DIS3L2: variants seen among roughly 807,000 people sequenced by gnomAD.
DIS3L2 encodes the protein DIS3-like exonuclease 2.
A neutral mutation model predicts 97.5 loss-of-function variants in DIS3L2; 34 were observed. The ratio of observed to expected loss-of-function variants is 0.35; its 90% CI spans 0.27 to 0.46. The LOEUF (loss-of-function observed/expected upper bound fraction) is 0.46. DIS3L2 is among the 20% of genes least tolerant of loss of function. The probability of loss-of-function intolerance (pLI) is 1.00; values close to 1 mark genes in which losing one functional copy is unlikely to be tolerated. For missense variants in DIS3L2, 1,038 were observed against 1,146.0 expected (o/e 0.91, Z 1.36); for synonymous variants, 435 against 445.2 (o/e 0.98, Z 0.29).
At chr2:232,317,968 A>C (rs764742262) in intron 14 of DIS3L2, among the ~76,000 whole-genome samples, 2 of 152,220 alleles carry the variant, frequency 1.3e-5, no homozygotes, top group Non-Finnish European at 2.9e-5. Flanking sequence ...TAGTCTGCCT[A>C]AGGTTACCCA....
chr2:232,255,130 A>G (rs1174431802), intron 12 of DIS3L2, among the ~76,000 whole-genome samples: 1 of 152,230 alleles, frequency 6.6e-6, no homozygotes, highest in Non-Finnish European at 1.5e-5. Flanking sequence ...GGCTGGGGGA[A>G]CAAAGTTCGG....
intron 6 of DIS3L2, among the ~76,000 whole-genome samples, chr2:232,095,934 T>C (rs1459251989): frequency 6.6e-6 from 1 of 152,110 alleles, no homozygotes; most frequent in African/African-American, 2.4e-5. Flanking sequence ...GTGTTGTAGC[T>C]CCATTGTATG....
chr2:232,299,995 G>A, intron 13 of DIS3L2, 45 bp from the exon 14 acceptor site: 1 of 1,569,266 alleles, frequency 6.4e-7, no homozygotes, highest in Non-Finnish European at 8.8e-7. Context: ...GGAATGAATA[G>A]AGCATGCTGC....
At chr2:232,318,341 G>A (rs1383755284) in intron 14 of DIS3L2, among the ~76,000 whole-genome samples, 1 of 152,260 alleles carries the variant, frequency 6.6e-6, no homozygotes, top group Non-Finnish European at 1.5e-5. Flanking sequence ...CCACACCCTC[G>A]TGGGTTGGAG....
chr2:232,218,763 C>T (rs1692416678), intron 10 of DIS3L2, among the ~76,000 whole-genome samples: 1 of 152,260 alleles, frequency 6.6e-6, no homozygotes, highest in Admixed American at 6.5e-5. Context: ...TCCCTCCTCA[C>T]TGTCTCCCGT....
intron 13 of DIS3L2, among the ~76,000 whole-genome samples, chr2:232,275,141 C>T (rs896072119): frequency 2.0e-5 from 3 of 152,192 alleles, no homozygotes; most frequent in African/African-American, 7.2e-5. Context: ...CCTCTAGAAG[C>T]CTGCTCCAAA....
chr2:232,340,028 G>A (rs534574118), downstream of DIS3L2, among the ~76,000 whole-genome samples: 2 of 152,194 alleles, frequency 1.3e-5, no homozygotes, highest in Non-Finnish European at 1.5e-5. Flanking sequence ...GCCTGGGCGC[G>A]TTTAGCTGTG....
intron 10 of DIS3L2, among the ~76,000 whole-genome samples, chr2:232,210,670 A>G (rs895821018): frequency 6.6e-6 from 1 of 152,268 alleles, no homozygotes; most frequent in Non-Finnish European, 1.5e-5. Context: ...TGAGTGCTAA[A>G]GAATGAATTC....
intron 14 of DIS3L2, chr2:232,307,684 G>A (rs772206124): frequency 6.6e-6 from 1 of 152,188 alleles, no homozygotes; most frequent in African/African-American, 2.4e-5. Flanking sequence ...CATCTTCTGA[G>A]TGCCCGCAGA....
At chr2:232,242,686 G>T (rs1386004154) in intron 11 of DIS3L2, among the ~76,000 whole-genome samples, 2 of 152,168 alleles carry the variant, frequency 1.3e-5, no homozygotes, top group Non-Finnish European at 2.9e-5. Context: ...TTGGGCAGTG[G>T]TGTATTTACC....
At chr2:232,225,792 A>T (rs1392475222) in intron 10 of DIS3L2, among the ~76,000 whole-genome samples, 2 of 152,258 alleles carry the variant, frequency 1.3e-5, no homozygotes, top group Non-Finnish European at 2.9e-5. Context: ...ATGTGTCTGC[A>T]GCCAATGAAT....
chr2:232,022,327 T>G (rs1170111212), intron 3 of DIS3L2, among the ~76,000 whole-genome samples: 1 of 152,160 alleles, frequency 6.6e-6, no homozygotes, highest in African/African-American at 2.4e-5. Context: ...CCTTGTGTGC[T>G]TTTGTATATA....
intron 1 of DIS3L2, among the ~76,000 whole-genome samples, chr2:232,002,452 T>A (rs529207471): frequency 6.6e-6 from 1 of 152,344 alleles, no homozygotes; most frequent in African/African-American, 2.4e-5. Context: ...TAGATTGCTT[T>A]GGGTAGTAAG....
At chr2:232,086,359 G>A (rs1024432322) in intron 5 of DIS3L2, among the ~76,000 whole-genome samples, 9 of 138,192 alleles carry the variant, frequency 6.5e-5, no homozygotes, top group African/African-American at 2.4e-4. Context: ...GTATATATAT[G>A]TGTATATGTA....
intron 8 of DIS3L2, among the ~76,000 whole-genome samples, chr2:232,163,008 T>C (rs1284834180): frequency 6.6e-6 from 1 of 152,222 alleles, no homozygotes; most frequent in Non-Finnish European, 1.5e-5. Context: ...ACTTTTGTGT[T>C]TAGATAAAAT....
chr2:232,061,998 T>A (rs1695722950), intron 5 of DIS3L2, among the ~76,000 whole-genome samples: 1 of 152,156 alleles, frequency 6.6e-6, no homozygotes, highest in Non-Finnish European at 1.5e-5. Flanking sequence ...AGAAAACAAC[T>A]TCTTTAGACA....
At chr2:232,001,557 C>CTTTTTTTTTTTTT (rs57766848) in intron 1 of DIS3L2, among the ~76,000 whole-genome samples, 178 of 61,912 alleles carry the variant, frequency 2.9e-3, no homozygotes, top group Middle Eastern at 0.037. Flanking sequence ...TGCCATTTGT[C>CTTTTTTTTTTTTT]TTTTTTTTTT....
intron 6 of DIS3L2, among the ~76,000 whole-genome samples, chr2:232,129,801 G>A (rs1367858382): frequency 6.6e-6 from 1 of 152,222 alleles, no homozygotes; most frequent in Non-Finnish European, 1.5e-5. Flanking sequence ...AGGCTCCCAC[G>A]TAAATTGGTT....
chr2:232,333,755 C>CGAAATCGCT lies in DIS3L2; in HGVS notation c.2011-84_2011-83insAAATCGCTG. On this transcript the variant is annotated intron_variant, in intron 16 of 20. Transcript: ENST00000325385. ...AGGTCTGTCCACACATCGCTGCCGA[C>CGAAATCGCT]GGTGAGGCTGTGGGTGGTGCCAGCC... 4.0e-6 allele frequency: 6 copies of CGAAATCGCT among 1,488,970 alleles called. No individual in the cohort carries two copies. In the South Asian group the frequency reaches 4.1e-5, roughly 10 times the overall value. 92.2% of individuals were successfully genotyped at this position (1,488,970 alleles called of 1,614,324 possible).
Sources: allele counts gnomAD v4.1 joint callset (sites outside exome capture counted in the v4.1 genomes callset), GRCh38; gene constraint gnomAD v4.1.1; transcripts MANE v1.5; gene names NCBI Gene and HGNC (gene_info 2026-07-23, HGNC 2026-07-21).